Variants in MYO16 observed in about 807,000 individuals in gnomAD.
MYO16 encodes the protein myosin XVI, also known as unconventional myosin-XVI.
In MYO16, 94 loss-of-function variants were observed where a neutral mutation model predicts 205.3. That is an observed-to-expected ratio of 0.46 (90% CI 0.39 to 0.54). The LOEUF (loss-of-function observed/expected upper bound fraction) is 0.54. MYO16 is among the 20% of genes least tolerant of loss of function. MYO16 has a pLI of 0.00. For synonymous variants in MYO16, 988 were observed against 954.0 expected (o/e 1.04, Z -0.66); for missense variants, 2,315 against 2,387.5 (o/e 0.97, Z 0.63).
chr13:109,116,901 A>G (rs571755260), intron 28 of MYO16, among the ~76,000 whole-genome samples: 6 of 152,300 alleles, frequency 3.9e-5, no homozygotes, highest in Admixed American at 6.5e-5. Flanking sequence ...CCTGTTCTCC[A>G]GTCCCCTGGT....
At chr13:108,806,364 T>C (rs1414410534) in intron 6 of MYO16, among the ~76,000 whole-genome samples, 1 of 152,206 alleles carries the variant, frequency 6.6e-6, no homozygotes, top group Admixed American at 6.5e-5. Context: ...GGTAAGCTTT[T>C]CAATTATTAT....
chr13:108,804,848 TC>T (rs1370364321), intron 6 of MYO16, among the ~76,000 whole-genome samples: 1 of 152,170 alleles, frequency 6.6e-6, no homozygotes, highest in African/African-American at 2.4e-5. Context: ...TAGTCTTCCT[TC>T]CCAGCTGTGC....
chr13:109,172,985 C>T (rs1453300884), intron 33 of MYO16, among the ~76,000 whole-genome samples: 1 of 152,096 alleles, frequency 6.6e-6, no homozygotes, highest in Admixed American at 6.5e-5. Context: ...GTATTCAGGG[C>T]AAAGACAGAC....
At chr13:109,054,295 AT>A in intron 25 of MYO16, 4 of 405,036 alleles carry the variant, frequency 9.9e-6, no homozygotes, top group East Asian at 7.7e-5. Context: ...GTCTACTACC[AT>A]TTTTTACAGA....
rs756475022 is a variant in MYO16, at chr13:109,052,275, C to T, written c.2873-25C>T. On this transcript the variant is annotated intron_variant, in intron 24 of 34. Coordinates refer to ENST00000457511, the MANE Select transcript of MYO16 (RefSeq NM_001198950.3). ...TAAGTAATAATTTTAGTGCCACTTACGATATTCATTTATTTATTTCCTAGC... is the reference window on the plus strand; with the variant it reads ...TAAGTAATAATTTTAGTGCCACTTATGATATTCATTTATTTATTTCCTAGC... 1.1e-5 allele frequency: 17 copies of T among 1,594,022 alleles called. No homozygotes were observed. The African/African-American group carries it at 1.1e-4, about 10-fold the overall frequency.
At chr13:109,138,196 G>A (rs1876868652) in intron 31 of MYO16, among the ~76,000 whole-genome samples, 1 of 152,202 alleles carries the variant, frequency 6.6e-6, no homozygotes, top group African/African-American at 2.4e-5. Flanking sequence ...TACAGAGACT[G>A]ATGTCAAAAT....
At chr13:108,717,814 G>A (rs1057421490) in intron 3 of MYO16, among the ~76,000 whole-genome samples, 3 of 152,058 alleles carry the variant, frequency 2.0e-5, no homozygotes, top group African/African-American at 4.8e-5. Flanking sequence ...ATTTTCAACA[G>A]TGACTCAGGT....
chr13:109,179,707 TACC>T (rs1879374879), intron 34 of MYO16, 74 bp downstream of exon 34: 1 of 1,177,150 alleles, frequency 8.5e-7, no homozygotes. Flanking sequence ...ATTAACTTGT[TACC>T]AATAGATGCT....
chr13:108,507,234 G>A, the MYO16 span, among the ~76,000 whole-genome samples: 6 of 152,156 alleles, frequency 3.9e-5, no homozygotes, highest in South Asian at 1.0e-3. Context: ...ATTTTTACAG[G>A]CTTTCGTATT....
At chr13:108,965,801 T>C (rs1447748491) in intron 20 of MYO16, among the ~76,000 whole-genome samples, 3 of 152,236 alleles carry the variant, frequency 2.0e-5, no homozygotes, top group South Asian at 4.1e-4. Flanking sequence ...TTTCTTGTTA[T>C]TCTTGTCACT....
chr13:108,853,572 G>A lies in MYO16; in HGVS notation c.1249-1871G>A, dbSNP rs674285. On this transcript the variant is annotated intron_variant, in intron 10 of 34. Coordinates refer to ENST00000457511, the MANE Select transcript of MYO16 (RefSeq NM_001198950.3). ...TCTTGGTGGGGAAGGGTACAGGCTT[G>A]TTGTTGATATTTCTGAGATCTAGAT... Among the ~76,000 whole-genome samples, 1,056 of 148,270 alleles carry A rather than the reference G, an allele frequency of 7.1e-3. 7 individuals are homozygous for A. Among genetic ancestry groups the A allele is most frequent in the African/African-American group, 0.025 (1,010 of 40,238 alleles).
intron 3 of MYO16, among the ~76,000 whole-genome samples, chr13:108,721,550 G>A (rs1329051676): frequency 6.6e-6 from 1 of 152,156 alleles, no homozygotes. Context: ...TCTGTTGATG[G>A]TGTTCTAAGT....
chr13:108,547,408 T>A, the MYO16 span, among the ~76,000 whole-genome samples: 1 of 152,120 alleles, frequency 6.6e-6, no homozygotes, highest in Non-Finnish European at 1.5e-5. Context: ...GGGGGGCCCC[T>A]GATTGTGACA....
At chr13:108,620,603 C>T (rs766460410) in intron 1 of MYO16, among the ~76,000 whole-genome samples, 6 of 152,210 alleles carry the variant, frequency 3.9e-5, no homozygotes, top group East Asian at 1.9e-4. Flanking sequence ...AGATCAAGTC[C>T]GCCTTTATGA....
At chr13:109,022,166 C>T (rs370046661) in intron 23 of MYO16, among the ~76,000 whole-genome samples, 1 of 123,384 alleles carries the variant, frequency 8.1e-6, no homozygotes, top group Non-Finnish European at 1.6e-5. Flanking sequence ...TTTATATATA[C>T]AAATATATAT....
chr13:108,768,380 G>A (rs1885851562), intron 4 of MYO16, among the ~76,000 whole-genome samples: 1 of 152,104 alleles, frequency 6.6e-6, no homozygotes, highest in Non-Finnish European at 1.5e-5. Context: ...TAGACTTCTT[G>A]TTCTCTTCTA....
At chr13:108,595,001 C>T (rs1235673741), upstream of MYO16, among the ~76,000 whole-genome samples, 1 of 152,176 alleles carries the variant, frequency 6.6e-6, no homozygotes, top group Non-Finnish European at 1.5e-5. Context: ...ACAGTGAATT[C>T]TGGCTCACAC....
chr13:108,905,635 A>G (rs1880932349), intron 15 of MYO16, among the ~76,000 whole-genome samples: 1 of 152,218 alleles, frequency 6.6e-6, no homozygotes, highest in African/African-American at 2.4e-5. Flanking sequence ...TCTGTTCACC[A>G]AAAACAGGTT....
chr13:108,908,671 T>C (rs866123279), intron 15 of MYO16, among the ~76,000 whole-genome samples: 4 of 152,152 alleles, frequency 2.6e-5, no homozygotes, highest in African/African-American at 9.7e-5. Context: ...AATTCACATT[T>C]GCATTTAAAA....
Sources: gnomAD v4.1 joint callset for allele counts (sites outside exome capture counted in the v4.1 genomes callset) on GRCh38, gnomAD v4.1.1 for gene constraint, MANE v1.5 for transcripts, NCBI Gene and HGNC (gene_info 2026-07-23, HGNC 2026-07-21) for gene names.